Variants in CCDC73 observed in about 807,000 individuals in gnomAD.
CCDC73 encodes coiled-coil domain containing 73, also known as coiled-coil domain-containing protein 73.
Under a neutral mutation model 116.5 loss-of-function variants are expected in CCDC73, and 95 were observed. The ratio of observed to expected loss-of-function variants is 0.82; its 90% CI spans 0.69 to 0.97. The LOEUF (loss-of-function observed/expected upper bound fraction) is 0.97. Ranked by LOEUF, CCDC73 falls within the 50% of genes least tolerant of loss-of-function variation. The pLI is 0.00. For missense variants in CCDC73, 1,066 were observed against 1,206.8 expected, an observed-to-expected ratio of 0.88 and a Z score of 1.73; for synonymous variants, 398 against 401.3, an observed-to-expected ratio of 0.99 and a Z score of 0.10.
intron 2 of CCDC73, among the ~76,000 whole-genome samples, chr11:32,730,073 G>C (rs933429626): frequency 6.6e-6 from 1 of 152,120 alleles, no homozygotes; most frequent in Non-Finnish European, 1.5e-5. Context: ...CATTTTCATA[G>C]TATAAATTCC....
chr11:32,761,259 T>C (rs1192096934), intron 1 of CCDC73, among the ~76,000 whole-genome samples: 1 of 152,186 alleles, frequency 6.6e-6, no homozygotes, highest in East Asian at 1.9e-4. Context: ...TTGTTACATG[T>C]ATCAGTAATT....
chr11:32,694,565 G>T (rs1374947873), intron 6 of CCDC73, among the ~76,000 whole-genome samples: 2 of 152,018 alleles, frequency 1.3e-5, no homozygotes, highest in African/African-American at 4.8e-5. Flanking sequence ...TGCACATTGT[G>T]CACATGTACC....
intron 17 of CCDC73, among the ~76,000 whole-genome samples, chr11:32,610,557 T>A (rs1178328931): frequency 6.6e-6 from 1 of 152,220 alleles, no homozygotes; most frequent in Non-Finnish European, 1.5e-5. Flanking sequence ...ATATAAAACT[T>A]ACACATTTAA....
At chr11:32,736,859 T>C (rs1036389123) in intron 2 of CCDC73, among the ~76,000 whole-genome samples, 1 of 151,792 alleles carries the variant, frequency 6.6e-6, no homozygotes, top group Non-Finnish European at 1.5e-5. Context: ...ATGTCCTTTG[T>C]AGGGACATGG....
chr11:32,736,624 C>G lies in CCDC73; in HGVS notation c.136-18477G>C, dbSNP rs1444869891. Among the ~76,000 whole-genome samples the G allele has an allele frequency of 3.3e-5, 5 of 151,992 alleles. No homozygotes were observed. In the South Asian group the frequency reaches 6.3e-4, roughly 19 times the overall value. On this transcript the variant is annotated intron_variant, in intron 2 of 17. Coordinates refer to ENST00000335185, the MANE Select transcript of CCDC73 (RefSeq NM_001008391.4). ...GTGGCGATTCCTCAAGGATCTAGAA[C>G]TAGAAATACCATTTGACCCAGCCAT...
At chr11:32,743,060 C>G (rs1354824349) in intron 2 of CCDC73, among the ~76,000 whole-genome samples, 1 of 152,058 alleles carries the variant, frequency 6.6e-6, no homozygotes, top group African/African-American at 2.4e-5. Flanking sequence ...TTACTGTAGC[C>G]TTGTAGTATA....
chr11:32,630,367 T>G (rs112715746), intron 14 of CCDC73, among the ~76,000 whole-genome samples: 4,550 of 151,014 alleles, frequency 0.03, 87 homozygotes, highest in Non-Finnish European at 0.04. Context: ...GAGAGGGAGA[T>G]GGAGTCTCGC....
At chr11:32,730,402 C>G (rs1174562666) in intron 2 of CCDC73, among the ~76,000 whole-genome samples, 1 of 152,152 alleles carries the variant, frequency 6.6e-6, no homozygotes, top group Non-Finnish European at 1.5e-5. Context: ...AGATTCACAC[C>G]TCCTCCATTT....
chr11:32,728,480 T>C (rs1850048115), intron 2 of CCDC73, among the ~76,000 whole-genome samples: 1 of 152,054 alleles, frequency 6.6e-6, no homozygotes, highest in Admixed American at 6.6e-5. Context: ...CTGAAATAGG[T>C]CATGTCTCCT....
chr11:32,634,773 A>G (rs1315662734), intron 14 of CCDC73, among the ~76,000 whole-genome samples: 2 of 152,220 alleles, frequency 1.3e-5, no homozygotes, highest in Non-Finnish European at 2.9e-5. Context: ...GTTCAACGAA[A>G]ACAACTATTA....
At chr11:32,622,509 G>A (rs1026504837) in intron 14 of CCDC73, among the ~76,000 whole-genome samples, 4 of 151,990 alleles carry the variant, frequency 2.6e-5, no homozygotes, top group East Asian at 1.9e-4. Flanking sequence ...GGGCCTGTCC[G>A]GGTGGGGGGC....
intron 9 of CCDC73, among the ~76,000 whole-genome samples, chr11:32,666,474 G>A (rs144829490): frequency 0.04 from 6,125 of 152,110 alleles, 223 homozygotes; most frequent in South Asian, 0.15. Flanking sequence ...TTGTGCATTC[G>A]TCATGTAGTT....
the CCDC73 span, among the ~76,000 whole-genome samples, chr11:32,821,133 C>T: frequency 6.6e-6 from 1 of 152,154 alleles, no homozygotes; most frequent in South Asian, 2.1e-4. Flanking sequence ...TTCTTCACTC[C>T]AGGAGAAGAT....
At chr11:32,650,153 T>C (rs1855813789) in intron 12 of CCDC73, among the ~76,000 whole-genome samples, 1 of 152,172 alleles carries the variant, frequency 6.6e-6, no homozygotes. Flanking sequence ...GATTTAGAGC[T>C]CATGAAGGGG....
At chr11:32,699,872 A>ATT (rs199539542) in intron 5 of CCDC73, among the ~76,000 whole-genome samples, 7 of 40,622 alleles carry the variant, frequency 1.7e-4, no homozygotes, top group African/African-American at 3.5e-4. Flanking sequence ...TAGAACTTAG[A>ATT]TTAAAAAATA....
At chr11:32,795,684 C>A (rs984600042), upstream of CCDC73, among the ~76,000 whole-genome samples, 3 of 149,384 alleles carry the variant, frequency 2.0e-5, no homozygotes, top group Admixed American at 6.7e-5. Flanking sequence ...TGGTTCCTGC[C>A]CTCAAATTTT....
At chr11:32,731,806 G>A (rs1443429528) in intron 2 of CCDC73, among the ~76,000 whole-genome samples, 2 of 152,258 alleles carry the variant, frequency 1.3e-5, no homozygotes, top group Admixed American at 6.5e-5. Context: ...ACAAAGATGG[G>A]GAGAAACCAG....
chr11:32,629,754 C>A (rs1195471280), intron 14 of CCDC73, among the ~76,000 whole-genome samples: 1 of 98,590 alleles, frequency 1.0e-5, no homozygotes, highest in Non-Finnish European at 2.0e-5. Context: ...GACCTCTTGC[C>A]AGAAGCAATG....
chr11:32,621,932 A>G (rs1208639999), intron 14 of CCDC73, among the ~76,000 whole-genome samples: 4 of 152,244 alleles, frequency 2.6e-5, no homozygotes, highest in Non-Finnish European at 2.9e-5. Flanking sequence ...TGATCATTAG[A>G]GAAATGCAAA....
Sources: allele counts gnomAD v4.1 joint callset (sites outside exome capture counted in the v4.1 genomes callset), GRCh38; gene constraint gnomAD v4.1.1; transcripts MANE v1.5; gene names NCBI Gene and HGNC (gene_info 2026-07-23, HGNC 2026-07-21).